The following SFI1 variants were observed in gnomAD, a reference collection of about 807,000 sequenced individuals.
The protein encoded by SFI1 is SFI1 centrin binding protein, also known as protein SFI1 homolog.
SFI1 carries 195 observed loss-of-function variants against 207.5 expected under a neutral mutation model. The ratio of observed to expected loss-of-function variants is 0.94; its 90% CI spans 0.84 to 1.06. The LOEUF (loss-of-function observed/expected upper bound fraction) is 1.06. Among genes scored for constraint, SFI1 ranks in the 50% least tolerant of loss-of-function variants. The pLI is 0.00. For missense variants in SFI1, 1,634 were observed against 1,588.0 expected (o/e 1.03, Z -0.49); for synonymous variants, 630 against 598.9 (o/e 1.05, Z -0.76).
chr22:31,522,521 T>G (rs1393712969), intron 2 of SFI1, among the ~76,000 whole-genome samples: 1 of 152,196 alleles, frequency 6.6e-6, no homozygotes, highest in Non-Finnish European at 1.5e-5. Context: ...CTTTATAACC[T>G]TTATTATACT....
intron 4 of SFI1, among the ~76,000 whole-genome samples, chr22:31,535,258 C>A (rs1291700390): frequency 1.4e-5 from 2 of 141,844 alleles, no homozygotes. Context: ...GACGCGATCT[C>A]GGCTCACTGT....
At chr22:31,557,196 C>T (rs1014858038) in intron 7 of SFI1, 137 bp downstream of exon 7, 10 of 609,608 alleles carry the variant, frequency 1.6e-5, no homozygotes, top group South Asian at 7.1e-5. Flanking sequence ...TTGTTTTTTT[C>T]GAGATAGGGT....
At chr22:31,607,757 T>C (rs1453402851) in intron 21 of SFI1, 180 bp from the exon 22 acceptor site, 2 of 505,272 alleles carry the variant, frequency 4.0e-6, no homozygotes, top group East Asian at 3.1e-5. Flanking sequence ...TGTGAGGGGC[T>C]GGGGCCCTGT....
At chr22:31,504,174 A>C (rs1037265862) in intron 1 of SFI1, among the ~76,000 whole-genome samples, 3 of 152,160 alleles carry the variant, frequency 2.0e-5, no homozygotes. Flanking sequence ...GTCCTTGACC[A>C]TGAAGGACAT....
At chr22:31,517,704 A>G (rs1302874718) in intron 2 of SFI1, among the ~76,000 whole-genome samples, 1 of 152,084 alleles carries the variant, frequency 6.6e-6, no homozygotes, top group Non-Finnish European at 1.5e-5. Context: ...CAGTTTATTG[A>G]AAAAACTGCT....
rs1392954274 is a variant in SFI1, at chr22:31,545,571, TTTA to T, written c.339-1289_339-1287del. On this transcript the variant is annotated intron_variant, in intron 4 of 32. Coordinates refer to ENST00000400288, the MANE Select transcript of SFI1 (RefSeq NM_001007467.3). ...TTTAATTTAATTTAATTTAATTTAA[TTTA>T]ATTTAATTTAATTTTATTTTATTTT... Among the ~76,000 whole-genome samples the T allele has an allele frequency of 6.0e-3, 881 of 147,862 alleles. 6 individuals are homozygous for T. The highest frequency in any genetic ancestry group is 0.021 in the African/African-American group (839 of 39,236).
intron 8 of SFI1, among the ~76,000 whole-genome samples, chr22:31,566,337 C>A (rs2062307932): frequency 6.6e-6 from 1 of 151,486 alleles, no homozygotes; most frequent in Non-Finnish European, 1.5e-5. Flanking sequence ...AAGTGATCCG[C>A]CTGCCTCTGC....
chr22:31,614,941 C>G, intron 28 of SFI1, 81 bp downstream of exon 28: 2 of 1,581,320 alleles, frequency 1.3e-6, no homozygotes, highest in Non-Finnish European at 1.7e-6. Context: ...CCATGTGGGG[C>G]CTGTGTTTTG....
intron 15 of SFI1, among the ~76,000 whole-genome samples, chr22:31,599,271 G>C (rs2067714311): frequency 1.3e-5 from 2 of 151,944 alleles, no homozygotes; most frequent in South Asian, 4.1e-4. Flanking sequence ...TGACGTAGGA[G>C]TCAAGGTTTA....
intron 15 of SFI1, among the ~76,000 whole-genome samples, chr22:31,591,182 C>T (rs1044949157): frequency 6.6e-6 from 1 of 152,152 alleles, no homozygotes; most frequent in African/African-American, 2.4e-5. Context: ...AATGAGCATG[C>T]TGCCTTCAAG....
At chr22:31,552,072 C>G (rs2060671786) in intron 6 of SFI1, among the ~76,000 whole-genome samples, 2 of 152,134 alleles carry the variant, frequency 1.3e-5, no homozygotes, top group Admixed American at 6.6e-5. Context: ...ATTATCTCCA[C>G]CTTTATGTCT....
At chr22:31,502,197 T>C (rs903914196) in intron 1 of SFI1, among the ~76,000 whole-genome samples, 2 of 152,232 alleles carry the variant, frequency 1.3e-5, no homozygotes, top group African/African-American at 4.8e-5. Flanking sequence ...TGATGTTTTC[T>C]GACCAGAAAT....
intron 15 of SFI1, among the ~76,000 whole-genome samples, chr22:31,593,917 T>G (rs1404992981): frequency 7.1e-6 from 1 of 141,830 alleles, no homozygotes; most frequent in African/African-American, 2.6e-5. Flanking sequence ...GAGGTTGCAG[T>G]GAGCCGAGAT....
intron 3 of SFI1, 143 bp downstream of exon 3, chr22:31,529,006 G>A: frequency 1.3e-6 from 1 of 771,898 alleles, no homozygotes; most frequent in Non-Finnish European, 2.0e-6. Flanking sequence ...ATGTTCAGAT[G>A]AAAAGGATAT....
At chr22:31,543,682 C>A (rs2059805310) in intron 4 of SFI1, among the ~76,000 whole-genome samples, 1 of 151,768 alleles carries the variant, frequency 6.6e-6, no homozygotes, top group Non-Finnish European at 1.5e-5. Context: ...TGGTGGCACA[C>A]GCCTGTAGTC....
chr22:31,499,999 A>AAC (rs1555923990), intron 1 of SFI1, among the ~76,000 whole-genome samples: 1 of 150,272 alleles, frequency 6.7e-6, no homozygotes, highest in Admixed American at 6.7e-5. Flanking sequence ...AAAAAAAAAA[A>AAC]AAAACATTGA....
Position 31,602,742 on chromosome 22 carries a change from G to T in SFI1, c.1762G>T (p.Ala588Ser), listed in dbSNP as rs750768415. The stretch of plus-strand genomic sequence containing the variant: ...CCACCGCCACGGGCGGCTCAAGAAA[G>T]CTTTCTGCCTCTGGAGGGAAAGTGC... ...AHHRHGRLKK[A>S]FCLWRESAQG... Residue 588 changes from alanine to serine, a missense_variant, in exon 17 of 33, where the codon GCT becomes TCT. Transcript: ENST00000400288. 6.2e-7 allele frequency: 1 copy of T among 1,614,088 alleles called. No homozygotes were observed. The highest frequency in any genetic ancestry group is 1.1e-5 in the South Asian group (1 of 91,080).
intron 11 of SFI1, among the ~76,000 whole-genome samples, chr22:31,579,579 T>G (rs2063870460): frequency 6.6e-6 from 1 of 152,120 alleles, no homozygotes; most frequent in African/African-American, 2.4e-5. Flanking sequence ...CCTCCCAAAG[T>G]GCTGGGATTA....
chr22:31,616,558 G>C, intron 29 of SFI1, 187 bp from the exon 30 acceptor site: 1 of 580,100 alleles, frequency 1.7e-6, no homozygotes, highest in South Asian at 2.7e-5. Context: ...ACAGTACCAG[G>C]CCCTGTGTGC....
Sources: gnomAD v4.1 joint callset for allele counts (sites outside exome capture counted in the v4.1 genomes callset) on GRCh38, gnomAD v4.1.1 for gene constraint, MANE v1.5 for transcripts, NCBI Gene and HGNC (gene_info 2026-07-23, HGNC 2026-07-21) for gene names.